Variants in SLC11A2 observed in about 807,000 individuals in gnomAD.
SLC11A2 encodes natural resistance-associated macrophage protein 2.
SLC11A2 carries 38 observed loss-of-function variants against 68.0 expected under a neutral mutation model. The ratio of observed to expected loss-of-function variants is 0.56; its 90% CI spans 0.43 to 0.73. The LOEUF (loss-of-function observed/expected upper bound fraction) is 0.73. SLC11A2 is among the 30% of genes least tolerant of loss of function. The probability of loss-of-function intolerance (pLI) is 0.00; values close to 1 mark genes in which losing one functional copy is unlikely to be tolerated. For synonymous variants in SLC11A2, 242 were observed against 250.6 expected, an observed-to-expected ratio of 0.97 and a Z score of 0.32; for missense variants, 517 against 690.5, an observed-to-expected ratio of 0.75 and a Z score of 2.82.
At chr12:50,975,085 A>G (rs1939831506), downstream of SLC11A2, among the ~76,000 whole-genome samples, 1 of 152,192 alleles carries the variant, frequency 6.6e-6, no homozygotes, top group Non-Finnish European at 1.5e-5. Flanking sequence ...GATCAATGAG[A>G]CAGAAGGTTA....
chr12:50,997,111 T>C, intron 8 of SLC11A2, 139 bp from the exon 9 acceptor site: 2 of 729,370 alleles, frequency 2.7e-6, no homozygotes, highest in South Asian at 3.0e-5. Flanking sequence ...AGGATCTTGC[T>C]CTGTCACCCA....
chr12:50,992,749 A>C (rs1409838900), intron 12 of SLC11A2, 61 bp downstream of exon 12: 9 of 1,450,818 alleles, frequency 6.2e-6, no homozygotes, highest in Non-Finnish European at 8.4e-6. Flanking sequence ...AAAAAAAAGA[A>C]GAAGAAGAAG....
intron 3 of SLC11A2, chr12:51,005,767 G>T (rs1302706732): frequency 5.4e-6 from 6 of 1,115,674 alleles, no homozygotes; most frequent in Non-Finnish European, 7.2e-6. Context: ...AAACAAGCCA[G>T]GTGTGGTGCT....
At chr12:50,978,643 A>AT (rs1939886087), downstream of SLC11A2, among the ~76,000 whole-genome samples, 2 of 151,982 alleles carry the variant, frequency 1.3e-5, no homozygotes, top group Middle Eastern at 3.4e-3. Flanking sequence ...AAGTATAATA[A>AT]TAAAAAAAAA....
downstream of SLC11A2, among the ~76,000 whole-genome samples, chr12:50,976,158 C>T (rs1005652273): frequency 5.3e-5 from 8 of 152,312 alleles, no homozygotes; most frequent in African/African-American, 1.7e-4. Context: ...CAACATCATC[C>T]TGATACCAAA....
At chr12:50,974,586 G>A (rs1461148243), downstream of SLC11A2, among the ~76,000 whole-genome samples, 1 of 152,088 alleles carries the variant, frequency 6.6e-6, no homozygotes, top group African/African-American at 2.4e-5. Context: ...ATCAACTAAC[G>A]AGCAAAATAA....
At chr12:50,983,494 G>C (rs1410164370), downstream of SLC11A2, among the ~76,000 whole-genome samples, 4 of 152,070 alleles carry the variant, frequency 2.6e-5, no homozygotes, top group Non-Finnish European at 5.9e-5. Context: ...ATATACTTTT[G>C]GAGCCTTATT....
chr12:51,021,610 T>C (rs1428326554), intron 1 of SLC11A2, among the ~76,000 whole-genome samples: 5 of 145,794 alleles, frequency 3.4e-5, no homozygotes, highest in South Asian at 2.2e-4. Flanking sequence ...CTGGGTGACA[T>C]AGTGAGACCC....
In SLC11A2 at chr12:51,004,251, G is replaced by A. The variant is rs17125212; in HGVS notation, c.429+537C>T. 5.3e-3 allele frequency among the ~76,000 whole-genome samples: 813 copies of A among 152,236 alleles called. 4 individuals are homozygous for A. Among genetic ancestry groups the A allele is most frequent in the African/African-American group, 0.018 (768 of 41,530 alleles). ...AGTGTTCATTCTTGCCTTAGGCAAC[G>A]GTAAGAAAGGCCCAAAATGTCCAGA... is the stretch of plus-strand genomic sequence containing the variant. On this transcript the variant is annotated intron_variant, in intron 5 of 15. Transcript: ENST00000262052.
At chr12:51,012,358 AAT>A (rs1943303074) in intron 1 of SLC11A2, among the ~76,000 whole-genome samples, 3 of 151,924 alleles carry the variant, frequency 2.0e-5, no homozygotes, top group Admixed American at 6.6e-5. Flanking sequence ...TTAAAAAAAA[AAT>A]GTTTCAATCT....
chr12:50,994,956 C>T (rs1458378036), intron 10 of SLC11A2: 1 of 347,914 alleles, frequency 2.9e-6, no homozygotes, highest in Admixed American at 4.4e-5. Context: ...GAATAGAATC[C>T]TCAGTCAAAG....
chr12:50,975,870 G>A (rs1039191821), downstream of SLC11A2, among the ~76,000 whole-genome samples: 8 of 152,190 alleles, frequency 5.3e-5, 1 homozygote, highest in East Asian at 3.9e-4. Context: ...ACACCCCTAC[G>A]CAAATAAACT....
intron 11 of SLC11A2, chr12:50,993,182 C>T (rs449179): frequency 7.3e-6 from 2 of 272,596 alleles, no homozygotes; most frequent in African/African-American, 3.2e-5. Context: ...AAACCTCCAT[C>T]TTAAATATTA....
Position 51,010,703 on chromosome 12 carries a change from ATCT to A in SLC11A2, c.23_25del (p.Lys8del), listed in dbSNP as rs1210561921. 4.4e-6 allele frequency: 7 copies of A among 1,574,958 alleles called. No individual in the cohort carries two copies. The African/African-American group carries it at 9.4e-5, about 21-fold the overall frequency. On this transcript the variant is annotated inframe_deletion, in exon 2 of 16. Coordinates refer to ENST00000262052, the MANE Select transcript of SLC11A2 (RefSeq NM_000617.3). ...ACAAAGCGGTAAATTACCATCTGAC[ATCT>A]TCTGTTCAGGACCCAGCACCATGGT... is the stretch of plus-strand genomic sequence containing the variant.
At chr12:51,025,762 C>G in intron 1 of SLC11A2, 1 of 985,784 alleles carries the variant, frequency 1.0e-6, no homozygotes, top group Non-Finnish European at 1.2e-6. Flanking sequence ...AGCCTTAAAA[C>G]CAATCTACCC....
chr12:50,996,844 G>A lies in SLC11A2; in HGVS notation c.804C>T (p.Asn268=). The change falls in exon 9 of 16, where the codon AAC becomes AAT. Residue 268 remains asparagine (N), a synonymous_variant. Coordinates refer to ENST00000262052, the MANE Select transcript of SLC11A2 (RefSeq NM_000617.3). ...GIVGAVIMPH[N]MYLHSALVKS... is the part of the protein sequence containing the mutation. ...TGACTAAGGCAGAATGCAGGTACATGTTGTGTGGCATGATGACAGCTCCCA... is the reference window on the plus strand; with the variant it reads ...TGACTAAGGCAGAATGCAGGTACATATTGTGTGGCATGATGACAGCTCCCA... 1 of 1,614,126 alleles carries A rather than the reference G, an allele frequency of 6.2e-7. No individual in the cohort carries two copies. The highest frequency in any genetic ancestry group is 8.5e-7 in the Non-Finnish European group (1 of 1,180,010).
Position 50,986,637 on chromosome 12 carries a change from C to T in SLC11A2, c.*1688G>A, listed in dbSNP as rs1359360311. 2.3e-6 allele frequency: 3 copies of T among 1,286,620 alleles called. No homozygotes were observed. Among genetic ancestry groups the T allele is most frequent in the African/African-American group, 1.5e-5 (1 of 65,780 alleles). 79.7% of individuals were successfully genotyped at this position (1,286,620 alleles called of 1,614,324 possible). A position where few individuals can be genotyped will look rare whatever the true frequency, so the allele number is the denominator to read the frequency against. ...CAGGTGAGAGCTTAAGATGTCAGTC[C>T]CCAATATCTTCACAGAGTGCCTTTA... On this transcript the variant is annotated 3_prime_UTR_variant, in exon 16 of 16. Coordinates refer to ENST00000262052, the MANE Select transcript of SLC11A2 (RefSeq NM_000617.3).
chr12:51,005,580 T>G, intron 3 of SLC11A2, 144 bp from the exon 4 acceptor site: 1 of 1,493,564 alleles, frequency 6.7e-7, no homozygotes, highest in Non-Finnish European at 9.0e-7. Flanking sequence ...GTGTCCAAGT[T>G]TCACCTCCAT....
downstream of SLC11A2, chr12:50,980,024 A>C: frequency 6.8e-6 from 3 of 440,364 alleles, no homozygotes; most frequent in South Asian, 4.8e-5. Context: ...TCATGAGTTC[A>C]ACACCAGCCT....
Sources: gnomAD v4.1 joint callset for allele counts (sites outside exome capture counted in the v4.1 genomes callset) on GRCh38, gnomAD v4.1.1 for gene constraint, MANE v1.5 for transcripts, NCBI Gene and HGNC (gene_info 2026-07-23, HGNC 2026-07-21) for gene names.